SLC12A6: variants seen among roughly 807,000 people sequenced by gnomAD.
The protein encoded by SLC12A6 is K-Cl cotransporter 3.
SLC12A6 carries 66 observed loss-of-function variants against 135.3 expected under a neutral mutation model. That is an observed-to-expected ratio of 0.49 (90% CI 0.40 to 0.60). SLC12A6 has a LOEUF of 0.60. Among genes scored for constraint, SLC12A6 ranks in the 20% least tolerant of loss-of-function variants. SLC12A6 has a pLI of 0.00. For synonymous variants in SLC12A6, 513 were observed against 508.8 expected, an observed-to-expected ratio of 1.01 and a Z score of -0.11; for missense variants, 1,058 against 1,452.3, an observed-to-expected ratio of 0.73 and a Z score of 4.41.
chr15:34,324,788 C>T (rs957519906), intron 2 of SLC12A6, among the ~76,000 whole-genome samples: 2 of 151,832 alleles, frequency 1.3e-5, no homozygotes, highest in African/African-American at 2.4e-5. Context: ...GAAGGTTAGG[C>T]GAACATGAAA....
intron 3 of SLC12A6, among the ~76,000 whole-genome samples, chr15:34,262,231 G>T (rs75981008): frequency 0.097 from 14,754 of 151,866 alleles, 808 homozygotes; most frequent in South Asian, 0.15. Flanking sequence ...TCCCTAATTG[G>T]TTTTTTACAC....
rs1435326975 is a variant in SLC12A6 at position 34,312,969 on chromosome 15, G to C, written c.271+23441C>G. Among the ~76,000 whole-genome samples, 4 of 152,178 alleles carry C rather than the reference G, an allele frequency of 2.6e-5. No individual in the cohort carries two copies. The East Asian group carries it at 7.7e-4, about 29-fold the overall frequency. ...ACAGAAGACTTAATCCATAAATGTT[G>C]TGTGTGTTCTGACCACTCCATCAAC... On this transcript the variant is annotated intron_variant, in intron 2 of 25. Coordinates refer to ENST00000354181, the MANE Select transcript of SLC12A6 (RefSeq NM_001365088.1).
At chr15:34,281,962 A>T (rs1309773878) in intron 2 of SLC12A6, among the ~76,000 whole-genome samples, 1 of 152,216 alleles carries the variant, frequency 6.6e-6, no homozygotes, top group Non-Finnish European at 1.5e-5. Context: ...AATATAGTTT[A>T]AAAAAGATAT....
At chr15:34,275,478 G>A in intron 2 of SLC12A6, 89 bp from the exon 3 acceptor site, 1 of 746,584 alleles carries the variant, frequency 1.3e-6, no homozygotes, top group Non-Finnish European at 2.3e-6. Flanking sequence ...GTCAACCAAG[G>A]AAATAAGCAA....
intron 2 of SLC12A6, among the ~76,000 whole-genome samples, chr15:34,281,604 A>G (rs1211115213): frequency 6.6e-6 from 1 of 152,174 alleles, no homozygotes; most frequent in African/African-American, 2.4e-5. Context: ...CCTGGCCAAC[A>G]TGGTGAAACC....
intron 3 of SLC12A6, among the ~76,000 whole-genome samples, chr15:34,264,734 T>G (rs1028574117): frequency 5.3e-5 from 8 of 152,166 alleles, no homozygotes; most frequent in Admixed American, 3.9e-4. Context: ...AAAAATTAGG[T>G]AGGGTCTTCA....
chr15:34,290,468 G>A (rs1384808499), intron 2 of SLC12A6, among the ~76,000 whole-genome samples: 1 of 152,192 alleles, frequency 6.6e-6, no homozygotes, highest in Non-Finnish European at 1.5e-5. Flanking sequence ...GATTTGGGGT[G>A]GAGAGTTCTG....
chr15:34,330,094 C>T (rs1194349495), intron 2 of SLC12A6, among the ~76,000 whole-genome samples: 3 of 152,074 alleles, frequency 2.0e-5, no homozygotes, highest in Admixed American at 2.0e-4. Flanking sequence ...CAAATTTCCC[C>T]CACTCGTCTC....
At chr15:34,320,172 G>A (rs371896429) in intron 2 of SLC12A6, among the ~76,000 whole-genome samples, 1 of 152,154 alleles carries the variant, frequency 6.6e-6, no homozygotes, top group African/African-American at 2.4e-5. Flanking sequence ...ATGATGCTTT[G>A]AATTCTTAGT....
At chr15:34,310,256 G>C (rs1484135453) in intron 2 of SLC12A6, among the ~76,000 whole-genome samples, 1 of 145,746 alleles carries the variant, frequency 6.9e-6, no homozygotes. Flanking sequence ...GTGTGTGTGT[G>C]TGTGTGTCCC....
At chr15:34,265,684 G>A (rs905501582) in intron 3 of SLC12A6, among the ~76,000 whole-genome samples, 1 of 152,166 alleles carries the variant, frequency 6.6e-6, no homozygotes, top group Non-Finnish European at 1.5e-5. Context: ...CTGGTTTTGG[G>A]AAGAGATTTG....
rs376317708 is a variant in SLC12A6, at chr15:34,236,126, T to A, written c.3116A>T (p.Glu1039Val). 17 of 1,613,578 alleles carry A rather than the reference T, an allele frequency of 1.1e-5. No homozygotes were observed. The highest frequency in any genetic ancestry group is 1.4e-5 in the Non-Finnish European group (17 of 1,179,556). ...SIGSDEDEET[E>V]TYQEKVHMTW... ...CATGTGCACCTTCTCCTGATAGGTT[T>A]CTGTCTCTTCGTCCTCATCAGAGCC... The change falls in exon 24 of 26, where the codon GAA (glutamate) becomes GTA (valine). Residue 1039 changes from glutamate (E) to valine (V), a missense_variant. Transcript: ENST00000354181.
intron 2 of SLC12A6, among the ~76,000 whole-genome samples, chr15:34,312,075 A>G (rs1200733789): frequency 2.6e-5 from 4 of 152,214 alleles, no homozygotes; most frequent in Non-Finnish European, 5.9e-5. Flanking sequence ...AATCCTCACA[A>G]CCACCCTGTA....
At chr15:34,294,544 C>T (rs1231976829) in intron 2 of SLC12A6, among the ~76,000 whole-genome samples, 1 of 149,984 alleles carries the variant, frequency 6.7e-6, no homozygotes, top group Non-Finnish European at 1.5e-5. Context: ...TGTGAGCCAC[C>T]ACACCTGGCC....
chr15:34,318,730 T>A (rs775034107), intron 2 of SLC12A6: 5 of 1,610,266 alleles, frequency 3.1e-6, no homozygotes, highest in Non-Finnish European at 3.4e-6. Context: ...TTCCTTCCAG[T>A]TAGTTTTCCC....
At chr15:34,244,165 TTC>T (rs1370248249) in intron 15 of SLC12A6, 93 bp from the exon 16 acceptor site, 1 of 805,356 alleles carries the variant, frequency 1.2e-6, no homozygotes, top group Non-Finnish European at 2.2e-6. Context: ...TGAAGCCTGT[TTC>T]TAGACAACTA....
In SLC12A6 at chr15:34,240,814, T is replaced by C; in HGVS notation, c.2283A>G (p.Val761=). Residue 761 remains valine, a synonymous_variant, in exon 19 of 26, where the codon GTA becomes GTG. Coordinates refer to ENST00000354181, the MANE Select transcript of SLC12A6 (RefSeq NM_001365088.1). Reference sequence around the variant, plus strand: ...GTAAGTCTTCATCTAGTTTCAGTAATACAAGCAACTGAGGCCTGTGAAGAG... The same window carrying C: ...GTAAGTCTTCATCTAGTTTCAGTAACACAAGCAACTGAGGCCTGTGAAGAG... ...HTKNWRPQLL[V]LLKLDEDLHV... is the part of the protein sequence containing the mutation. The C allele has an allele frequency of 6.2e-6, 10 of 1,613,420 alleles. No homozygotes were observed. The highest frequency in any genetic ancestry group is 8.5e-6 in the Non-Finnish European group (10 of 1,179,702).
At chr15:34,237,601 G>T (rs376277152) in intron 21 of SLC12A6, 51 bp from the exon 22 acceptor site, 12 of 1,516,834 alleles carry the variant, frequency 7.9e-6, no homozygotes, top group South Asian at 1.1e-5. Context: ...AGGCAAAAAA[G>T]GTTATTTCCT....
chr15:34,249,449 C>T (rs900216508), intron 13 of SLC12A6, among the ~76,000 whole-genome samples: 1 of 152,054 alleles, frequency 6.6e-6, no homozygotes, highest in African/African-American at 2.4e-5. Context: ...CACCTGTGGT[C>T]CCAGCTACTT....
Sources: gnomAD v4.1 joint callset for allele counts (sites outside exome capture counted in the v4.1 genomes callset) on GRCh38, gnomAD v4.1.1 for gene constraint, MANE v1.5 for transcripts, NCBI Gene and HGNC (gene_info 2026-07-23, HGNC 2026-07-21) for gene names.